The following CA5B variants were observed in gnomAD, a reference collection of about 807,000 sequenced individuals.
CA5B encodes the protein carbonic anhydrase 5B.
CA5B carries 15 observed loss-of-function variants against 23.1 expected under a neutral mutation model. That is an observed-to-expected ratio of 0.65 (90% CI 0.43 to 1.00). The LOEUF (loss-of-function observed/expected upper bound fraction) is 1.00, where lower values mean the gene tolerates loss of function less well. Ranked by LOEUF, CA5B falls within the 50% of genes least tolerant of loss-of-function variation. The probability of loss-of-function intolerance (pLI) is 0.00; values close to 1 mark genes in which losing one functional copy is unlikely to be tolerated. For synonymous variants in CA5B, 84 were observed against 98.5 expected, an observed-to-expected ratio of 0.85 and a Z score of 0.87; for missense variants, 236 against 252.2, an observed-to-expected ratio of 0.94 and a Z score of 0.43.
chrX:15,750,062 C>G lies in CA5B; in HGVS notation c.39C>G (p.Ala13=). ...ACAGCCTGAGGGTCATTCTTCAAGC[C>G]TCTCCAGGCAAATTGCTGTGGAGAA... ...VMNSLRVILQ[A]SPGKLLWRKF... Residue 13 remains alanine (A), a synonymous_variant, in exon 2 of 8, where the codon GCC becomes GCG. Transcript: ENST00000318636. The G allele has an allele frequency of 8.3e-7, 1 of 1,209,796 alleles. No individual in the cohort carries two copies.
intron 1 of CA5B, among the ~76,000 whole-genome samples, chrX:15,739,419 G>A (rs1427937602): frequency 9.4e-6 from 1 of 106,792 alleles, no homozygotes; most frequent in Non-Finnish European, 1.9e-5. Context: ...GTGGAAAACC[G>A]TAAAGCTTTC....
rs770868687 is a variant in CA5B, at chrX:15,741,321, G to A, written c.-54+2969G>A. On this transcript the variant is annotated intron_variant, in intron 1 of 7. Transcript: ENST00000318636. ...GCCATCAAGTGATCCACCCTCCTCGGCCTCCTAAAGTGCTGGGATTACAGG... is the reference window on the plus strand; with the variant it reads ...GCCATCAAGTGATCCACCCTCCTCGACCTCCTAAAGTGCTGGGATTACAGG... Among the ~76,000 whole-genome samples, 6 of 102,481 alleles carry A rather than the reference G, an allele frequency of 5.9e-5. No homozygotes were observed. The South Asian group carries it at 2.8e-3, about 48-fold the overall frequency. 89.0% of individuals were successfully genotyped at this position (102,481 alleles called of 115,157 possible).
intron 2 of CA5B, among the ~76,000 whole-genome samples, chrX:15,763,873 G>T (rs1203402820): frequency 8.9e-6 from 1 of 111,948 alleles, no homozygotes; most frequent in Non-Finnish European, 1.9e-5. Flanking sequence ...TGTAAGTTCT[G>T]GCGTCCAAAG....
chrX:15,750,509 C>A (rs188904711), intron 2 of CA5B: 2 of 149,868 alleles, frequency 1.3e-5, no homozygotes, highest in East Asian at 3.2e-4. Flanking sequence ...TATTTTGGAA[C>A]CTGTTGTTTA....
rs200239908 is a variant in CA5B, at chrX:15,780,276, C to CGT, written c.775-2209_775-2208insGT. On this transcript the variant is annotated intron_variant, in intron 7 of 7. Coordinates refer to ENST00000318636, the MANE Select transcript of CA5B (RefSeq NM_007220.4). ...TCTTTTCACTCAGTGATGCCTGGAA[C>CGT]ATTTTTTTTTTTTTTTAAGACGGTC... is the stretch of plus-strand genomic sequence containing the variant. 8.4e-4 allele frequency among the ~76,000 whole-genome samples: 73 copies of CGT among 86,606 alleles called. 1 individual carries two copies. Among genetic ancestry groups the CGT allele is most frequent in the Non-Finnish European group, 1.2e-3 (51 of 43,942 alleles). 75.2% of individuals were successfully genotyped at this position (86,606 alleles called of 115,157 possible).
chrX:15,756,556 T>C (rs1041586004), intron 2 of CA5B, among the ~76,000 whole-genome samples: 1 of 112,310 alleles, frequency 8.9e-6, no homozygotes, highest in Non-Finnish European at 1.9e-5. Flanking sequence ...AGATAAGACT[T>C]GAACTGGAAA....
intron 3 of CA5B, chrX:15,769,634 C>T: frequency 5.4e-6 from 4 of 737,552 alleles, no homozygotes; most frequent in African/African-American, 2.3e-5. Context: ...TTTAAGTTCT[C>T]CTTCCCTGTT....
intron 2 of CA5B, among the ~76,000 whole-genome samples, chrX:15,754,905 C>T (rs1253149686): frequency 8.9e-6 from 1 of 112,259 alleles, no homozygotes; most frequent in Non-Finnish European, 1.9e-5. Context: ...TGGGTATTTA[C>T]ATGTAAATTT....
At chrX:15,741,058 G>A (rs949401957) in intron 1 of CA5B, among the ~76,000 whole-genome samples, 6 of 109,397 alleles carry the variant, frequency 5.5e-5, no homozygotes, top group Non-Finnish European at 1.1e-4. Flanking sequence ...ACCCCATCTC[G>A]TTCTGTTTTT....
chrX:15,752,737 A>AT (rs1031820243), intron 2 of CA5B, among the ~76,000 whole-genome samples: 2 of 111,061 alleles, frequency 1.8e-5, no homozygotes, highest in Non-Finnish European at 3.8e-5. Context: ...AAAAAAAAAA[A>AT]ATCTCTGTTA....
chrX:15,762,642 A>C, intron 2 of CA5B: 1 of 278,539 alleles, frequency 3.6e-6, no homozygotes, highest in Non-Finnish European at 7.1e-6. Flanking sequence ...CTGTGTCTCG[A>C]TCTCCTGACC....
At chrX:15,755,650 A>G (rs1024421607) in intron 2 of CA5B, among the ~76,000 whole-genome samples, 19 of 112,484 alleles carry the variant, frequency 1.7e-4, no homozygotes, top group African/African-American at 6.1e-4. Flanking sequence ...TGTATTTTCT[A>G]ATAGGCCAGG....
chrX:15,751,133 G>A (rs1297383638), intron 2 of CA5B, among the ~76,000 whole-genome samples: 1 of 112,032 alleles, frequency 8.9e-6, no homozygotes, highest in Non-Finnish European at 1.9e-5. Flanking sequence ...CATTAAGGAG[G>A]AATTTTTCAT....
chrX:15,759,910 G>A (rs1440246294), intron 2 of CA5B, among the ~76,000 whole-genome samples: 13 of 107,206 alleles, frequency 1.2e-4, no homozygotes, highest in Admixed American at 9.1e-4. Context: ...GCACCACCAC[G>A]CCCAGCTAAT....
chrX:15,779,238 T>C (rs970069241), intron 7 of CA5B, among the ~76,000 whole-genome samples: 15 of 111,315 alleles, frequency 1.3e-4, no homozygotes, highest in African/African-American at 4.2e-4. Context: ...AAGGAGACGA[T>C]TGATGTTCCA....
Position 15,775,465 on chromosome X carries a change from GTCA to G in CA5B, c.618+162_618+164del, listed in dbSNP as rs765824388. ...CCATTTATGATTCCAGGGGACAGAAGTCATCATTCTGTGGGTAGGCAGTGAGCT... is the reference window on the plus strand; with the variant it reads ...CCATTTATGATTCCAGGGGACAGAAGTCATTCTGTGGGTAGGCAGTGAGCT... On this transcript the variant is annotated intron_variant, in intron 6 of 7. Transcript: ENST00000318636. The G allele has an allele frequency of 8.5e-4, 845 of 992,420 alleles. 7 individuals carry two copies. In the African/African-American group the frequency reaches 0.015, roughly 18 times the overall value. The allele number at this position is 992,420 out of a possible 1,213,427, so 81.8% of individuals were successfully genotyped here.
intron 1 of CA5B, among the ~76,000 whole-genome samples, chrX:15,748,711 C>G (rs1237441722): frequency 3.1e-4 from 12 of 38,341 alleles, no homozygotes; most frequent in East Asian, 6.4e-4. Context: ...AGTGAGAACC[C>G]CCCCCCCCGC....
chrX:15,780,036 C>T (rs768933230), intron 7 of CA5B, among the ~76,000 whole-genome samples: 3 of 111,403 alleles, frequency 2.7e-5, no homozygotes, highest in East Asian at 5.6e-4. Context: ...ATAAAACTTA[C>T]GGTAACACTG....
At chrX:15,780,417 C>T (rs1166358724) in intron 7 of CA5B, among the ~76,000 whole-genome samples, 1 of 109,892 alleles carries the variant, frequency 9.1e-6, no homozygotes, top group Non-Finnish European at 1.9e-5. Context: ...GGATTACAGG[C>T]GCCCGCCACC....
Sources: allele counts gnomAD v4.1 joint callset (sites outside exome capture counted in the v4.1 genomes callset), GRCh38; gene constraint gnomAD v4.1.1; transcripts MANE v1.5; gene names NCBI Gene and HGNC (gene_info 2026-07-23, HGNC 2026-07-21).